CTNNA2: variants seen among roughly 807,000 people sequenced by gnomAD.
CTNNA2 encodes the protein catenin alpha 2.
A neutral mutation model predicts 101.0 loss-of-function variants in CTNNA2; 42 were observed. The observed-to-expected ratio is 0.42, with a 90% CI of 0.32 to 0.54. The LOEUF (loss-of-function observed/expected upper bound fraction) is 0.54, where lower values mean the gene tolerates loss of function less well. Among genes scored for constraint, CTNNA2 ranks in the 20% least tolerant of loss-of-function variants. The pLI, the probability that CTNNA2 is intolerant of heterozygous loss-of-function variation, is 0.14. For missense variants in CTNNA2, 871 were observed against 1,223.1 expected (o/e 0.71, Z 4.29); for synonymous variants, 450 against 456.4 (o/e 0.99, Z 0.18).
intron 4 of CTNNA2, among the ~76,000 whole-genome samples, chr2:79,465,530 A>T (rs937277241): frequency 4.6e-5 from 7 of 152,086 alleles, no homozygotes; most frequent in African/African-American, 1.2e-4. Flanking sequence ...AAGTCATTGG[A>T]AGCTTGATGG....
chr2:79,613,721 G>A (rs900723167), intron 1 of CTNNA2, among the ~76,000 whole-genome samples: 5 of 152,052 alleles, frequency 3.3e-5, no homozygotes, highest in Non-Finnish European at 7.4e-5. Flanking sequence ...GGGTCTTGTT[G>A]TGTTGCCCAG....
In CTNNA2 at chr2:80,517,324, T is replaced by C. The variant is rs1483395369; in HGVS notation, c.1291-27658T>C. ...AAAAGGAGCAGTTAACTTGTAATGA[T>C]TGGGGAAGGTGGGGACCACGGATGG... is the stretch of plus-strand genomic sequence containing the variant. On this transcript the variant is annotated intron_variant, in intron 9 of 18. Coordinates refer to ENST00000402739, the MANE Select transcript of CTNNA2 (RefSeq NM_001282597.3). Among the ~76,000 whole-genome samples, 7 of 152,152 alleles carry C rather than the reference T, an allele frequency of 4.6e-5. 1 individual carries two copies. The South Asian group carries it at 1.0e-3, about 23-fold the overall frequency.
chr2:79,607,256 A>G (rs73938736), intron 1 of CTNNA2, among the ~76,000 whole-genome samples: 4,832 of 152,286 alleles, frequency 0.032, 236 homozygotes, highest in African/African-American at 0.11. Flanking sequence ...GCATTAGAAT[A>G]TGTGGCACAT....
At chr2:79,652,789 T>A (rs1681352161) in intron 2 of CTNNA2, among the ~76,000 whole-genome samples, 2 of 152,138 alleles carry the variant, frequency 1.3e-5, no homozygotes, top group Non-Finnish European at 1.5e-5. Flanking sequence ...AAGATTCAGA[T>A]CCTTCCTTTA....
chr2:80,003,853 C>T (rs968873660), intron 7 of CTNNA2, among the ~76,000 whole-genome samples: 2 of 152,090 alleles, frequency 1.3e-5, no homozygotes, highest in East Asian at 3.9e-4. Context: ...TATTTTTTAA[C>T]TCCATTCAAT....
chr2:80,435,641 A>T (rs1273360148), intron 9 of CTNNA2, among the ~76,000 whole-genome samples: 1 of 152,228 alleles, frequency 6.6e-6, no homozygotes, highest in Non-Finnish European at 1.5e-5. Context: ...GAAGATGTGT[A>T]TAAAGAAGAC....
At chr2:79,674,182 A>C (rs1683036350) in intron 2 of CTNNA2, among the ~76,000 whole-genome samples, 1 of 152,214 alleles carries the variant, frequency 6.6e-6, no homozygotes. Flanking sequence ...GGTATGTTCA[A>C]ATAAATATGA....
At chr2:80,259,838 G>A (rs570134027) in intron 7 of CTNNA2, among the ~76,000 whole-genome samples, 3 of 152,192 alleles carry the variant, frequency 2.0e-5, no homozygotes, top group African/African-American at 4.8e-5. Flanking sequence ...TTCCCTTTAC[G>A]AATACTTCCC....
At chr2:79,817,611 G>A (rs1316017217) in intron 3 of CTNNA2, among the ~76,000 whole-genome samples, 4 of 151,918 alleles carry the variant, frequency 2.6e-5, no homozygotes, top group South Asian at 2.1e-4. Flanking sequence ...TTAATATTTC[G>A]GAGCCCAACT....
intron 7 of CTNNA2, among the ~76,000 whole-genome samples, chr2:79,976,443 C>A (rs62139983): frequency 7.5e-4 from 114 of 152,130 alleles, no homozygotes; most frequent in African/African-American, 2.7e-3. Context: ...GATTATGTCT[C>A]CATTCGAGAG....
intron 7 of CTNNA2, among the ~76,000 whole-genome samples, chr2:80,001,640 T>A (rs1692955928): frequency 6.6e-6 from 1 of 152,126 alleles, no homozygotes. Flanking sequence ...GTTTGCAATC[T>A]ATTGCAAAGG....
chr2:79,572,517 C>T (rs1471574493), intron 1 of CTNNA2, among the ~76,000 whole-genome samples: 2 of 151,998 alleles, frequency 1.3e-5, no homozygotes, highest in South Asian at 2.1e-4. Context: ...TCTGGGAGGC[C>T]GAGGCGGGCA....
chr2:79,866,557 T>C (rs987904291), intron 4 of CTNNA2: 1 of 152,242 alleles, frequency 6.6e-6, no homozygotes, highest in African/African-American at 2.4e-5. Flanking sequence ...GCTCAGCCGT[T>C]GACACCAGTG....
chr2:79,362,761 G>A (rs1271463426), intron 3 of CTNNA2, among the ~76,000 whole-genome samples: 1 of 152,188 alleles, frequency 6.6e-6, no homozygotes, highest in Admixed American at 6.5e-5. Flanking sequence ...ATTTCTGATA[G>A]TGGCAGCTCT....
intron 4 of CTNNA2, among the ~76,000 whole-genome samples, chr2:79,497,006 T>C (rs1368067634): frequency 6.6e-6 from 1 of 152,230 alleles, no homozygotes; most frequent in Non-Finnish European, 1.5e-5. Context: ...GATACTTTTT[T>C]GTTGCTGCTT....
rs541467384 is a variant in CTNNA2 at position 80,252,242 on chromosome 2, C to G, written c.1057-140969C>G. ...TTAATATCTGGAACAGAACCTTGCA[C>G]ATAGTTACTGCTCAATAAATATTTT... On this transcript the variant is annotated intron_variant, in intron 7 of 18. Transcript: ENST00000402739. Among the ~76,000 whole-genome samples, 14 of 152,260 alleles carry G rather than the reference C, an allele frequency of 9.2e-5. No homozygotes were observed. The South Asian group carries it at 2.9e-3, about 32-fold the overall frequency.
intron 7 of CTNNA2, among the ~76,000 whole-genome samples, chr2:79,998,006 A>G (rs1267235844): frequency 6.6e-6 from 1 of 152,212 alleles, no homozygotes; most frequent in Non-Finnish European, 1.5e-5. Flanking sequence ...TTTGGTGAAC[A>G]CTAAAATCCT....
intron 2 of CTNNA2, chr2:79,281,459 T>C (rs1675381353): frequency 6.6e-6 from 1 of 152,176 alleles, no homozygotes; most frequent in Admixed American, 6.5e-5. Flanking sequence ...GCCTTCCTTA[T>C]CCAGAGTTGC....
chr2:79,592,761 A>C (rs1235154475), intron 1 of CTNNA2, among the ~76,000 whole-genome samples: 1 of 152,182 alleles, frequency 6.6e-6, no homozygotes, highest in African/African-American at 2.4e-5. Flanking sequence ...CCCTTAGGAG[A>C]TAATCATTGA....
Sources: allele counts gnomAD v4.1 joint callset (sites outside exome capture counted in the v4.1 genomes callset), GRCh38; gene constraint gnomAD v4.1.1; transcripts MANE v1.5; gene names NCBI Gene and HGNC (gene_info 2026-07-23, HGNC 2026-07-21).